The following NCALD variants were observed in gnomAD, a reference collection of about 807,000 sequenced individuals.
NCALD encodes the protein neurocalcin-delta.
Under a neutral mutation model 18.6 loss-of-function variants are expected in NCALD, and 10 were observed. The ratio of observed to expected loss-of-function variants is 0.54; its 90% CI spans 0.33 to 0.91. The LOEUF (loss-of-function observed/expected upper bound fraction) is 0.91. Among genes scored for constraint, NCALD ranks in the 40% least tolerant of loss-of-function variants. The pLI is 0.03. For synonymous variants in NCALD, 88 were observed against 87.4 expected, an observed-to-expected ratio of 1.01 and a Z score of -0.04; for missense variants, 184 against 247.6, an observed-to-expected ratio of 0.74 and a Z score of 1.72.
intron 1 of NCALD, among the ~76,000 whole-genome samples, chr8:102,029,327 G>T (rs529135553): frequency 2.2e-4 from 34 of 152,256 alleles, no homozygotes; most frequent in Middle Eastern, 3.4e-3. Context: ...AAGTGTTTTT[G>T]GGGAGGACAG....
At chr8:101,889,369 G>C (rs1002547221) in intron 3 of NCALD, among the ~76,000 whole-genome samples, 2 of 152,232 alleles carry the variant, frequency 1.3e-5, no homozygotes, top group African/African-American at 4.8e-5. Context: ...TAACTGATAG[G>C]AAGAGGTTTC....
chr8:101,774,299 C>G (rs1246337491), intron 1 of NCALD, among the ~76,000 whole-genome samples: 1 of 152,162 alleles, frequency 6.6e-6, no homozygotes, highest in South Asian at 2.1e-4. Flanking sequence ...TTCCTTGAAA[C>G]AGGTGTGCTT....
intron 4 of NCALD, among the ~76,000 whole-genome samples, chr8:101,870,897 A>C (rs370731682): frequency 0.18 from 4,435 of 24,564 alleles, 10 homozygotes; most frequent in Admixed American, 0.22. Flanking sequence ...CACCGCCCCC[A>C]CCCCCCCCCC....
intron 2 of NCALD, among the ~76,000 whole-genome samples, chr8:101,963,861 A>G (rs1370002247): frequency 2.0e-5 from 3 of 152,182 alleles, no homozygotes; most frequent in Non-Finnish European, 2.9e-5. Context: ...ATAGTGTGGT[A>G]CAGTAGTTCA....
At chr8:101,804,571 AATATAATTAATTATATAAT>A (rs1453746245) in intron 4 of NCALD, among the ~76,000 whole-genome samples, 7 of 122,074 alleles carry the variant, frequency 5.7e-5, no homozygotes, top group Non-Finnish European at 9.9e-5. Context: ...ATATATAATT[AATATAATTAATTATATAAT>A]ATATAATTAA....
chr8:102,081,566 AAAAAAAAAAAC>A (rs1563601137), intron 1 of NCALD, among the ~76,000 whole-genome samples: 25 of 90,168 alleles, frequency 2.8e-4, no homozygotes, highest in African/African-American at 1.2e-3. Context: ...AAAAAAAAAA[AAAAAAAAAAAC>A]CCCAAAAAAA....
At position 101,894,395 on chromosome 8, in the gene NCALD, C is replaced by T. The variant is rs370548175; in HGVS notation, c.-106-7168G>A. Among the ~76,000 whole-genome samples the T allele has an allele frequency of 2.2e-3, 289 of 129,488 alleles. 2 individuals carry two copies. Among genetic ancestry groups the T allele is most frequent in the South Asian group, 0.011 (40 of 3,784 alleles). The allele number at this position is 129,488 out of a possible 152,430, so 84.9% of individuals were successfully genotyped here. On this transcript the variant is annotated intron_variant, in intron 3 of 6. Transcript: ENST00000311028. ...GAGGGAAATTTATAGCACTAAATGC[C>T]CACAAGAGAAAGCAGGAAAGATCCA...
At chr8:101,849,718 C>T (rs1202952151) in intron 4 of NCALD, among the ~76,000 whole-genome samples, 3 of 152,290 alleles carry the variant, frequency 2.0e-5, no homozygotes, top group Admixed American at 6.5e-5. Flanking sequence ...AAGAATCATT[C>T]ATTCCATAAA....
chr8:101,950,676 T>C (rs920488364), intron 2 of NCALD, among the ~76,000 whole-genome samples: 3 of 152,230 alleles, frequency 2.0e-5, no homozygotes, highest in Non-Finnish European at 4.4e-5. Flanking sequence ...TAAAAGACAT[T>C]GTGTCCCCCC....
Position 102,017,153 on chromosome 8 carries a change from G to A in NCALD, c.-157+3084C>T, listed in dbSNP as rs577102359. ...AAAATGGTCTAATATGCGTATAATT[G>A]GAGTACCAAACAGGGGAGAGAAAGA... On this transcript the variant is annotated intron_variant, in intron 2 of 6. Coordinates refer to the NCALD transcript ENST00000311028. Among the ~76,000 whole-genome samples, 24 of 152,164 alleles carry A rather than the reference G, an allele frequency of 1.6e-4. No homozygotes were observed. The South Asian group carries it at 5.0e-3, about 32-fold the overall frequency.
intron 1 of NCALD, among the ~76,000 whole-genome samples, chr8:102,084,290 G>A (rs886281855): frequency 4.6e-5 from 7 of 152,208 alleles, no homozygotes; most frequent in African/African-American, 1.7e-4. Flanking sequence ...ATCTGTATGA[G>A]TCTGCAGCAA....
chr8:101,767,265 T>C (rs1811389303), intron 1 of NCALD, among the ~76,000 whole-genome samples: 1 of 152,232 alleles, frequency 6.6e-6, no homozygotes, highest in African/African-American at 2.4e-5. Context: ...ACAAAATGTA[T>C]TTTAGGCAGT....
At chr8:101,949,856 A>C (rs1819321730) in intron 2 of NCALD, among the ~76,000 whole-genome samples, 1 of 152,200 alleles carries the variant, frequency 6.6e-6, no homozygotes, top group South Asian at 2.1e-4. Context: ...TTGTGGACAC[A>C]ACATTGAGTC....
intron 1 of NCALD, among the ~76,000 whole-genome samples, chr8:101,734,078 CTCTTA>C (rs1816965968): frequency 6.6e-6 from 1 of 152,158 alleles, no homozygotes; most frequent in Non-Finnish European, 1.5e-5. Context: ...CCCCAGGGCT[CTCTTA>C]TGTTAGCAGT....
chr8:101,936,195 T>C (rs2131730278), intron 2 of NCALD, among the ~76,000 whole-genome samples: 1 of 152,218 alleles, frequency 6.6e-6, no homozygotes, highest in Non-Finnish European at 1.5e-5. Flanking sequence ...ACTAAGGAGA[T>C]TTAGTAGGAT....
At chr8:102,104,566 G>A (rs1825386961) in intron 1 of NCALD, among the ~76,000 whole-genome samples, 1 of 152,078 alleles carries the variant, frequency 6.6e-6, no homozygotes, top group South Asian at 2.1e-4. Context: ...CTTTAAATTT[G>A]TCACATAAGA....
intron 1 of NCALD, among the ~76,000 whole-genome samples, chr8:101,741,983 G>T (rs1810215340): frequency 6.7e-6 from 1 of 149,716 alleles, no homozygotes; most frequent in African/African-American, 2.4e-5. Flanking sequence ...GCCGGGTGCG[G>T]TGGCTCACAC....
intron 1 of NCALD, among the ~76,000 whole-genome samples, chr8:101,779,444 T>C (rs1184465816): frequency 6.6e-6 from 1 of 152,116 alleles, no homozygotes; most frequent in African/African-American, 2.4e-5. Flanking sequence ...CAAAGATAAT[T>C]AGAAACTTTA....
chr8:101,796,944 G>A (rs950075649), intron 4 of NCALD, among the ~76,000 whole-genome samples: 4 of 152,122 alleles, frequency 2.6e-5, no homozygotes, highest in African/African-American at 9.7e-5. Context: ...CTTCGGAAAG[G>A]CTTATCAAAA....
Sources: gnomAD v4.1 joint callset for allele counts (sites outside exome capture counted in the v4.1 genomes callset) on GRCh38, gnomAD v4.1.1 for gene constraint, MANE v1.5 for transcripts, NCBI Gene and HGNC (gene_info 2026-07-23, HGNC 2026-07-21) for gene names.